The following ATP8A2 variants were observed in gnomAD, a reference collection of about 807,000 sequenced individuals.
ATP8A2 encodes the protein ATPase phospholipid transporting 8A2.
In ATP8A2, 100 loss-of-function variants were observed where a neutral mutation model predicts 165.6. The ratio of observed to expected loss-of-function variants is 0.60; its 90% CI spans 0.51 to 0.71. ATP8A2 has a LOEUF of 0.71. ATP8A2 is among the 30% of genes least tolerant of loss of function. The probability of loss-of-function intolerance (pLI) is 0.00; values close to 1 mark genes in which losing one functional copy is unlikely to be tolerated. For missense variants in ATP8A2, 1,227 were observed against 1,479.5 expected (o/e 0.83, Z 2.80); for synonymous variants, 543 against 548.8 (o/e 0.99, Z 0.15).
chr13:26,017,494 G>A (rs1356172819), intron 36 of ATP8A2, among the ~76,000 whole-genome samples: 1 of 152,234 alleles, frequency 6.6e-6, no homozygotes, highest in Non-Finnish European at 1.5e-5. Flanking sequence ...ACAGGATTGG[G>A]GATGAGAGTG....
At chr13:25,909,261 T>C (rs941716539) in intron 33 of ATP8A2, among the ~76,000 whole-genome samples, 2 of 152,126 alleles carry the variant, frequency 1.3e-5, no homozygotes, top group African/African-American at 4.8e-5. Context: ...TCAAAATACC[T>C]AGAGGAAAGG....
intron 33 of ATP8A2, among the ~76,000 whole-genome samples, chr13:25,890,037 C>G (rs1409868549): frequency 6.6e-6 from 1 of 152,050 alleles, no homozygotes; most frequent in Non-Finnish European, 1.5e-5. Flanking sequence ...TGGCACGTGC[C>G]TGTAATCCCA....
chr13:25,980,522 C>T (rs1341662012), intron 35 of ATP8A2, among the ~76,000 whole-genome samples: 1 of 152,098 alleles, frequency 6.6e-6, no homozygotes, highest in Non-Finnish European at 1.5e-5. Flanking sequence ...TCTAAGAGAT[C>T]TAAGAGGCAG....
At chr13:25,885,051 C>G (rs1437863195) in intron 33 of ATP8A2, among the ~76,000 whole-genome samples, 1 of 151,890 alleles carries the variant, frequency 6.6e-6, no homozygotes, top group Non-Finnish European at 1.5e-5. Context: ...TCCTGGTCTG[C>G]CCAGGGCTCG....
At chr13:25,618,020 G>A (rs1402148527) in intron 24 of ATP8A2, among the ~76,000 whole-genome samples, 1 of 152,178 alleles carries the variant, frequency 6.6e-6, no homozygotes, top group Non-Finnish European at 1.5e-5. Context: ...CTGAAAGACC[G>A]TGAGTGTGAA....
chr13:25,936,658 T>A (rs1954899531), intron 33 of ATP8A2, among the ~76,000 whole-genome samples: 1 of 152,188 alleles, frequency 6.6e-6, no homozygotes, highest in Non-Finnish European at 1.5e-5. Context: ...ATTAATTCCA[T>A]GAGGAATCAT....
intron 10 of ATP8A2, among the ~76,000 whole-genome samples, chr13:25,548,695 G>A (rs1036074140): frequency 6.6e-5 from 10 of 151,988 alleles, no homozygotes; most frequent in Admixed American, 2.6e-4. Flanking sequence ...AGACTCCTGA[G>A]GATTTTTAAG....
chr13:25,698,448 G>C (rs1176954865), intron 24 of ATP8A2, among the ~76,000 whole-genome samples: 1 of 152,040 alleles, frequency 6.6e-6, no homozygotes, highest in African/African-American at 2.4e-5. Flanking sequence ...ACTGAGGCTG[G>C]TCTTGAACTC....
chr13:25,938,946 G>A (rs756882361), intron 33 of ATP8A2, among the ~76,000 whole-genome samples: 23 of 151,746 alleles, frequency 1.5e-4, no homozygotes, highest in African/African-American at 5.1e-4. Flanking sequence ...TGGTTCAAGC[G>A]ATTCTCTTGC....
At chr13:25,872,262 G>A (rs370625399) in intron 33 of ATP8A2, among the ~76,000 whole-genome samples, 86 of 152,162 alleles carry the variant, frequency 5.7e-4, no homozygotes, top group African/African-American at 1.9e-3. Flanking sequence ...TTGGGGGATG[G>A]AGCTCTTTTG....
At chr13:25,437,148 T>A (rs2034803480) in intron 1 of ATP8A2, among the ~76,000 whole-genome samples, 1 of 152,214 alleles carries the variant, frequency 6.6e-6, no homozygotes, top group South Asian at 2.1e-4. Context: ...TTGATTTGCG[T>A]TTCTCTGATG....
At chr13:25,742,640 C>G (rs951822600) in intron 25 of ATP8A2, among the ~76,000 whole-genome samples, 2 of 151,194 alleles carry the variant, frequency 1.3e-5, no homozygotes, top group Non-Finnish European at 2.9e-5. Context: ...CCCCCCCACA[C>G]ACCCCACTCC....
chr13:25,781,757 G>C (rs556389136), intron 27 of ATP8A2, among the ~76,000 whole-genome samples: 18 of 152,284 alleles, frequency 1.2e-4, no homozygotes, highest in African/African-American at 4.1e-4. Flanking sequence ...CTCCTGAGCT[G>C]TTGAGATTAC....
intron 28 of ATP8A2, among the ~76,000 whole-genome samples, chr13:25,833,635 A>G (rs986962971): frequency 3.5e-4 from 54 of 152,254 alleles, no homozygotes; most frequent in African/African-American, 1.3e-3. Flanking sequence ...TGTTATCACA[A>G]TTGGCTCTTT....
At chr13:25,440,638 C>T (rs928304312) in intron 1 of ATP8A2, among the ~76,000 whole-genome samples, 3 of 152,142 alleles carry the variant, frequency 2.0e-5, no homozygotes, top group Non-Finnish European at 2.9e-5. Flanking sequence ...GTAATAGACA[C>T]GTCTGCAAAG....
intron 16 of ATP8A2, among the ~76,000 whole-genome samples, chr13:25,568,204 C>T (rs9581395): frequency 0.35 from 53,781 of 151,990 alleles, 10,160 homozygotes; most frequent in Middle Eastern, 0.43. Flanking sequence ...TGAGAAATTT[C>T]GGAGGACAAT....
At chr13:26,015,878 T>G (rs1956959581) in intron 36 of ATP8A2, among the ~76,000 whole-genome samples, 1 of 152,206 alleles carries the variant, frequency 6.6e-6, no homozygotes, top group Non-Finnish European at 1.5e-5. Flanking sequence ...GCTGGAGGCT[T>G]CCTCCGAGCT....
chr13:25,889,655 C>T (rs529613300), intron 33 of ATP8A2, among the ~76,000 whole-genome samples: 3 of 151,878 alleles, frequency 2.0e-5, no homozygotes, highest in Admixed American at 2.0e-4. Flanking sequence ...TGGTCAGTCT[C>T]CAGCAGCACT....
chr13:25,810,220 T>C (rs1172659935), intron 27 of ATP8A2, among the ~76,000 whole-genome samples: 2 of 152,218 alleles, frequency 1.3e-5, no homozygotes, highest in Admixed American at 1.3e-4. Context: ...ATACTTCTAA[T>C]CTTATTGCTA....
Sources: gnomAD v4.1 joint callset for allele counts (sites outside exome capture counted in the v4.1 genomes callset) on GRCh38, gnomAD v4.1.1 for gene constraint, MANE v1.5 for transcripts, NCBI Gene and HGNC (gene_info 2026-07-23, HGNC 2026-07-21) for gene names.